The following ANKRD6 variants were observed in gnomAD, a reference collection of about 807,000 sequenced individuals.
ANKRD6 encodes the protein ankyrin repeat domain 6.
A neutral mutation model predicts 82.3 loss-of-function variants in ANKRD6; 56 were observed. The ratio of observed to expected loss-of-function variants is 0.68; its 90% CI spans 0.55 to 0.85. The LOEUF (loss-of-function observed/expected upper bound fraction) is 0.85, where lower values mean the gene tolerates loss of function less well. Among genes scored for constraint, ANKRD6 ranks in the 40% least tolerant of loss-of-function variants. The pLI is 0.00. For synonymous variants in ANKRD6, 347 were observed against 352.1 expected (o/e 0.99, Z 0.16); for missense variants, 852 against 907.6 (o/e 0.94, Z 0.79).
chr6:89,485,928 C>A (rs570093579), intron 1 of ANKRD6, among the ~76,000 whole-genome samples: 1 of 152,256 alleles, frequency 6.6e-6, no homozygotes, highest in South Asian at 2.1e-4. Context: ...CTACAGTGTT[C>A]TATTACCTGA....
chr6:89,608,368 C>CACACTATATATATATATATATATA, intron 5 of ANKRD6, among the ~76,000 whole-genome samples: 10 of 130,812 alleles, frequency 7.6e-5, no homozygotes, highest in African/African-American at 3.0e-4. Context: ...CACACACACA[C>CACACTATATATATATATATATATA]TATATATATA....
At chr6:89,563,343 G>A (rs1470413160) in intron 1 of ANKRD6, among the ~76,000 whole-genome samples, 1 of 152,180 alleles carries the variant, frequency 6.6e-6, no homozygotes, top group Non-Finnish European at 1.5e-5. Context: ...TCCCTATCTA[G>A]ATTCAGAATG....
intron 1 of ANKRD6, among the ~76,000 whole-genome samples, chr6:89,510,567 A>G (rs1400867455): frequency 6.6e-6 from 1 of 152,192 alleles, no homozygotes; most frequent in Non-Finnish European, 1.5e-5. Context: ...AAATTTACTT[A>G]AAGTGTATAA....
In ANKRD6 at chr6:89,565,374, A is replaced by G. The variant is rs567103311; in HGVS notation, c.-143-1460A>G. ...CTATTCTTTACCTGCATTTTGAGCAACAGATGGAGAATGATGAGAAAGTTT... is the reference window on the plus strand; with the variant it reads ...CTATTCTTTACCTGCATTTTGAGCAGCAGATGGAGAATGATGAGAAAGTTT... On this transcript the variant is annotated intron_variant, in intron 1 of 15. Coordinates refer to ENST00000339746, the MANE Select transcript of ANKRD6 (RefSeq NM_001242809.2). 443 of 152,386 alleles carry G rather than the reference A, an allele frequency of 2.9e-3. 4 individuals are homozygous for G. The highest frequency in any genetic ancestry group is 0.01 in the African/African-American group (420 of 41,600). 9.4% of individuals were successfully genotyped at this position (152,386 alleles called of 1,614,324 possible).
Position 89,528,788 on chromosome 6 carries a change from T to C in ANKRD6, c.-143-38046T>C, listed in dbSNP as rs535340971. On this transcript the variant is annotated intron_variant, in intron 1 of 15. Coordinates refer to ENST00000339746, the MANE Select transcript of ANKRD6 (RefSeq NM_001242809.2). The stretch of plus-strand genomic sequence containing the variant: ...GCTGAAGGATGGATGTTTTGTTTAG[T>C]AGGCATGAAAACAACAGTAATCTTT... Among the ~76,000 whole-genome samples, 46 of 152,352 alleles carry C rather than the reference T, an allele frequency of 3.0e-4. 1 individual carries two copies. The highest frequency in any genetic ancestry group is 5.0e-4 in the Non-Finnish European group (34 of 68,028).
chr6:89,588,335 C>T (rs140896946), intron 2 of ANKRD6, among the ~76,000 whole-genome samples: 29 of 152,306 alleles, frequency 1.9e-4, no homozygotes, highest in African/African-American at 7.0e-4. Flanking sequence ...TTACAACTTT[C>T]TTGCCTCCTA....
At chr6:89,567,404 C>T (rs544003618) in intron 2 of ANKRD6, among the ~76,000 whole-genome samples, 15 of 152,180 alleles carry the variant, frequency 9.9e-5, no homozygotes, top group African/African-American at 2.4e-4. Flanking sequence ...ACAGAGTGTG[C>T]GATAATCACG....
chr6:89,559,935 A>C (rs980200762), intron 1 of ANKRD6, among the ~76,000 whole-genome samples: 7 of 152,206 alleles, frequency 4.6e-5, no homozygotes, highest in African/African-American at 1.7e-4. Flanking sequence ...TTACGGGATC[A>C]CAGGCTCCTG....
At chr6:89,533,696 A>G (rs1293834187) in intron 1 of ANKRD6, among the ~76,000 whole-genome samples, 3 of 150,006 alleles carry the variant, frequency 2.0e-5, no homozygotes, top group Non-Finnish European at 3.0e-5. Context: ...TCCAGCCATC[A>G]CGAATGAGAG....
At chr6:89,590,128 G>A (rs117856148) in intron 2 of ANKRD6, among the ~76,000 whole-genome samples, 13 of 152,332 alleles carry the variant, frequency 8.5e-5, no homozygotes, top group Non-Finnish European at 1.9e-4. Flanking sequence ...TTTTAGTAAT[G>A]TCATTACATT....
chr6:89,434,496 T>G (rs746344626), intron 1 of ANKRD6, among the ~76,000 whole-genome samples: 7 of 152,224 alleles, frequency 4.6e-5, no homozygotes, highest in Non-Finnish European at 1.0e-4. Flanking sequence ...TTTTTGTTGT[T>G]GTTGTTTTGA....
intron 1 of ANKRD6, among the ~76,000 whole-genome samples, chr6:89,468,378 A>G (rs534312261): frequency 1.3e-5 from 2 of 152,298 alleles, no homozygotes; most frequent in South Asian, 2.1e-4. Flanking sequence ...TTCTACCAGT[A>G]TTGCTTATAA....
chr6:89,602,043 A>T (rs1797303426), intron 3 of ANKRD6: 1 of 152,158 alleles, frequency 6.6e-6, no homozygotes, highest in South Asian at 2.1e-4. Context: ...AGGGTGACAC[A>T]CCTGAGGTCC....
At chr6:89,622,250 G>A (rs1274629247) in intron 10 of ANKRD6, among the ~76,000 whole-genome samples, 9 of 152,100 alleles carry the variant, frequency 5.9e-5, no homozygotes, top group South Asian at 4.1e-4. Context: ...CCCATTACCC[G>A]TCCAGTACAC....
intron 1 of ANKRD6, among the ~76,000 whole-genome samples, chr6:89,507,867 A>C (rs1394813677): frequency 6.6e-6 from 1 of 152,168 alleles, no homozygotes; most frequent in Admixed American, 6.5e-5. Flanking sequence ...AATTCTTTCA[A>C]ATCATTTTAT....
intron 2 of ANKRD6, among the ~76,000 whole-genome samples, chr6:89,590,552 C>A (rs1169304644): frequency 6.6e-6 from 1 of 152,136 alleles, no homozygotes; most frequent in African/African-American, 2.4e-5. Flanking sequence ...CTAAAAAAAT[C>A]AGGTTATTTT....
At chr6:89,455,532 C>T (rs1019253465) in intron 1 of ANKRD6, among the ~76,000 whole-genome samples, 6 of 152,164 alleles carry the variant, frequency 3.9e-5, no homozygotes, top group African/African-American at 1.4e-4. Context: ...ATTGTAATCC[C>T]CAATGTTGGA....
chr6:89,605,122 C>T (rs1224933080), intron 4 of ANKRD6, among the ~76,000 whole-genome samples: 2 of 152,192 alleles, frequency 1.3e-5, no homozygotes, highest in African/African-American at 2.4e-5. Context: ...CACGGTGGCT[C>T]ACGCCTGTAA....
rs1372284250 is a variant in ANKRD6, at chr6:89,528,132, C to T, written c.-143-38702C>T. ...CCAGCCACAGTTTCTTAAAGTCAGACGATAGTGAGTTTGCCAGATTGATTG... is the reference window on the plus strand; with the variant it reads ...CCAGCCACAGTTTCTTAAAGTCAGATGATAGTGAGTTTGCCAGATTGATTG... On this transcript the variant is annotated intron_variant, in intron 1 of 15. Transcript: ENST00000339746. 2.0e-5 allele frequency among the ~76,000 whole-genome samples: 3 copies of T among 152,152 alleles called. 1 individual carries two copies. The highest frequency in any genetic ancestry group is 4.8e-5 in the African/African-American group (2 of 41,440).
Sources: gnomAD v4.1 joint callset for allele counts (sites outside exome capture counted in the v4.1 genomes callset) on GRCh38, gnomAD v4.1.1 for gene constraint, MANE v1.5 for transcripts, NCBI Gene and HGNC (gene_info 2026-07-23, HGNC 2026-07-21) for gene names.